Variants in AMPH observed in about 807,000 individuals in gnomAD.
AMPH encodes amphiphysin.
In AMPH, 49 loss-of-function variants were observed where a neutral mutation model predicts 99.1. That is an observed-to-expected ratio of 0.49 (90% CI 0.39 to 0.63). The LOEUF (loss-of-function observed/expected upper bound fraction) is 0.63. AMPH is among the 20% of genes least tolerant of loss of function. AMPH has a pLI of 0.00. For synonymous variants in AMPH, 314 were observed against 317.3 expected, an observed-to-expected ratio of 0.99 and a Z score of 0.11; for missense variants, 759 against 863.4, an observed-to-expected ratio of 0.88 and a Z score of 1.52.
chr7:38,494,683 A>T (rs543585851), intron 3 of AMPH, among the ~76,000 whole-genome samples, 156 bp from the exon 4 acceptor site: 38 of 152,336 alleles, frequency 2.5e-4, no homozygotes, highest in African/African-American at 8.7e-4. Context: ...CTGCTGTTGT[A>T]TCTTTCTTTG....
At chr7:38,541,424 T>A (rs1790806097) in intron 1 of AMPH, among the ~76,000 whole-genome samples, 1 of 152,208 alleles carries the variant, frequency 6.6e-6, no homozygotes, top group Non-Finnish European at 1.5e-5. Flanking sequence ...TTTGCCCTAA[T>A]GTGAGAGGAC....
intron 19 of AMPH, among the ~76,000 whole-genome samples, chr7:38,391,017 A>AGAGAG (rs1784478905): frequency 1.1e-4 from 11 of 99,258 alleles, no homozygotes; most frequent in Non-Finnish European, 1.6e-4. Flanking sequence ...GAGAGAGAGA[A>AGAGAG]TGATACAACA....
At chr7:38,513,978 C>T (rs1471977973) in intron 2 of AMPH, among the ~76,000 whole-genome samples, 3 of 152,276 alleles carry the variant, frequency 2.0e-5, no homozygotes, top group Admixed American at 1.3e-4. Flanking sequence ...TGGTCTTTGA[C>T]CCCCCTTTGC....
intron 1 of AMPH, among the ~76,000 whole-genome samples, chr7:38,544,247 T>G (rs1790915250): frequency 6.6e-6 from 1 of 152,216 alleles, no homozygotes; most frequent in Non-Finnish European, 1.5e-5. Flanking sequence ...TCAAATACCC[T>G]AGGAGAGGAA....
At chr7:38,431,687 A>G (rs916435889) in intron 13 of AMPH, among the ~76,000 whole-genome samples, 1 of 152,038 alleles carries the variant, frequency 6.6e-6, no homozygotes, top group Non-Finnish European at 1.5e-5. Context: ...GTAATTGCTC[A>G]AAGTCTCAAG....
At chr7:38,475,593 C>T (rs185353844) in intron 6 of AMPH, among the ~76,000 whole-genome samples, 177 bp from the exon 7 acceptor site, 1 of 152,294 alleles carries the variant, frequency 6.6e-6, no homozygotes, top group East Asian at 1.9e-4. Flanking sequence ...CTAAGACTCC[C>T]TAAAACTGGA....
At chr7:38,497,313 TA>T (rs1243514807) in intron 3 of AMPH, among the ~76,000 whole-genome samples, 2 of 152,206 alleles carry the variant, frequency 1.3e-5, no homozygotes, top group South Asian at 2.1e-4. Context: ...GATTGAATAA[TA>T]TACAATATCC....
intron 17 of AMPH, among the ~76,000 whole-genome samples, chr7:38,404,178 C>T (rs894504414): frequency 6.6e-6 from 1 of 151,842 alleles, no homozygotes; most frequent in African/African-American, 2.4e-5. Context: ...GAATCACATC[C>T]CTGCCTATCT....
intron 16 of AMPH, among the ~76,000 whole-genome samples, chr7:38,419,475 G>T (rs1933054632): frequency 6.6e-6 from 1 of 152,096 alleles, no homozygotes; most frequent in Non-Finnish European, 1.5e-5. Context: ...TTAAGAGGTG[G>T]CCTGACATAA....
chr7:38,621,049 T>C lies in AMPH; in HGVS notation c.69+10234A>G, dbSNP rs532299036. ...CTGCAGTCAATTCTCTATTCTACAGTTCTTATTTATGCTCAAGGAGTAAGG... is the reference window on the plus strand; with the variant it reads ...CTGCAGTCAATTCTCTATTCTACAGCTCTTATTTATGCTCAAGGAGTAAGG... On this transcript the variant is annotated intron_variant, in intron 1 of 20. Transcript: ENST00000356264. Among the ~76,000 whole-genome samples, 6 of 152,282 alleles carry C rather than the reference T, an allele frequency of 3.9e-5. No homozygotes were observed. In the East Asian group the frequency reaches 1.2e-3, roughly 29 times the overall value.
At chr7:38,451,898 T>G (rs963612214) in intron 11 of AMPH, among the ~76,000 whole-genome samples, 1 of 152,164 alleles carries the variant, frequency 6.6e-6, no homozygotes, top group Non-Finnish European at 1.5e-5. Flanking sequence ...GAAGATCTGT[T>G]TTTGTAAACA....
chr7:38,483,405 A>G (rs1475338125), intron 5 of AMPH, among the ~76,000 whole-genome samples: 1 of 152,136 alleles, frequency 6.6e-6, no homozygotes, highest in Non-Finnish European at 1.5e-5. Flanking sequence ...TGAGGGATAA[A>G]ACAAACAAAC....
intron 1 of AMPH, among the ~76,000 whole-genome samples, chr7:38,542,576 G>A (rs1247196612): frequency 1.3e-5 from 2 of 152,150 alleles, no homozygotes. Flanking sequence ...TCTACATTTG[G>A]GAAATTCGCC....
intron 7 of AMPH, among the ~76,000 whole-genome samples, chr7:38,471,587 G>A (rs987744075): frequency 1.3e-4 from 20 of 152,218 alleles, no homozygotes; most frequent in African/African-American, 3.9e-4. Flanking sequence ...TAAGGCACAC[G>A]AAGCAATTAC....
At position 38,397,457 on chromosome 7, in the gene AMPH, T is replaced by C. The variant is rs142389088; in HGVS notation, c.1399-3243A>G. The stretch of plus-strand genomic sequence containing the variant: ...TTATCACCTTTCCTTTGCTAGATAA[T>C]TTAAGCAGGCAACGAAACTGGACTC... On this transcript the variant is annotated intron_variant, in intron 17 of 20. Coordinates refer to ENST00000356264, the MANE Select transcript of AMPH (RefSeq NM_001635.4). 7.0e-3 allele frequency among the ~76,000 whole-genome samples: 1,060 copies of C among 152,328 alleles called. 12 individuals are homozygous for C. The highest frequency in any genetic ancestry group is 0.024 in the African/African-American group (992 of 41,582).
chr7:38,501,034 A>G (rs1451857350), intron 3 of AMPH, among the ~76,000 whole-genome samples: 5 of 152,322 alleles, frequency 3.3e-5, no homozygotes, highest in African/African-American at 1.2e-4. Context: ...TGTGAAACCA[A>G]TGCCTTACCA....
chr7:38,485,812 G>T (rs755365667), intron 5 of AMPH, among the ~76,000 whole-genome samples: 1 of 151,736 alleles, frequency 6.6e-6, no homozygotes, highest in Non-Finnish European at 1.5e-5. Context: ...GAAATCAATA[G>T]CAGAAAGAAA....
chr7:38,392,247 C>T (rs79676079), intron 18 of AMPH, among the ~76,000 whole-genome samples: 1,798 of 151,938 alleles, frequency 0.012, 41 homozygotes, highest in African/African-American at 0.041. Context: ...AATAGCCAGG[C>T]AGTTTGGTAA....
chr7:38,461,496 GAC>G, intron 10 of AMPH, 85 bp from the exon 11 acceptor site: 3 of 1,510,154 alleles, frequency 2.0e-6, no homozygotes, highest in Non-Finnish European at 2.7e-6. Context: ...GAGCTACATG[GAC>G]AGATTGAGCT....
Sources: gnomAD v4.1 joint callset for allele counts (sites outside exome capture counted in the v4.1 genomes callset) on GRCh38, gnomAD v4.1.1 for gene constraint, MANE v1.5 for transcripts, NCBI Gene and HGNC (gene_info 2026-07-23, HGNC 2026-07-21) for gene names.